The following ATP8B1 variants were observed in gnomAD, a reference collection of about 807,000 sequenced individuals.
ATP8B1 encodes phospholipid-transporting ATPase IC.
A neutral mutation model predicts 149.9 loss-of-function variants in ATP8B1; 80 were observed. The ratio of observed to expected loss-of-function variants is 0.53; its 90% CI spans 0.45 to 0.64. The LOEUF is 0.64. ATP8B1 is among the 30% of genes least tolerant of loss of function. The pLI, the probability that ATP8B1 is intolerant of heterozygous loss-of-function variation, is 0.00. For synonymous variants in ATP8B1, 536 were observed against 562.8 expected (o/e 0.95, Z 0.67); for missense variants, 1,247 against 1,552.6 (o/e 0.80, Z 3.31).
chr18:57,669,236 G>A, intron 18 of ATP8B1, 82 bp downstream of exon 18: 2 of 1,376,178 alleles, frequency 1.5e-6, no homozygotes, highest in Non-Finnish European at 1.0e-6. Flanking sequence ...TTAAGCATGA[G>A]ATCAAATATT....
Position 57,669,463 on chromosome 18 carries a change from A to C in ATP8B1, c.1952T>G (p.Leu651Arg). The change falls in exon 18 of 28, where the codon CTT becomes CGT. Residue 651 changes from leucine to arginine, a missense_variant. Physicochemically the swap from Leu to Arg is moderately radical, Grantham distance 102. Coordinates refer to ENST00000648908, the MANE Select transcript of ATP8B1 (RefSeq NM_001374385.1). ...CTTGTAGCAAAGGCATAGGGTTCTAAGAGTTTCATTTGCAAAGATCTGTTT... is the reference window on the plus strand; with the variant it reads ...CTTGTAGCAAAGGCATAGGGTTCTACGAGTTTCATTTGCAAAGATCTGTTT... ...DALDIFANET[L>R]RTLCLCYKEI... 6.2e-7 allele frequency: 1 copy of C among 1,612,784 alleles called. No homozygotes were observed. Among genetic ancestry groups the C allele is most frequent in the Non-Finnish European group, 8.5e-7 (1 of 1,178,982 alleles).
intron 1 of ATP8B1, among the ~76,000 whole-genome samples, chr18:57,736,570 C>G (rs1391685570): frequency 6.7e-6 from 1 of 148,460 alleles, no homozygotes; most frequent in Non-Finnish European, 1.5e-5. Context: ...AAGGAATCTT[C>G]CTACCTCAGC....
At chr18:57,648,848 C>T (rs1909378380) in intron 27 of ATP8B1, 136 bp from the exon 28 acceptor site, 1 of 525,598 alleles carries the variant, frequency 1.9e-6, no homozygotes, top group East Asian at 3.5e-5. Context: ...AGTTCTGTCC[C>T]CACTTGTGTG....
chr18:57,698,470 G>A (rs1483006023), intron 6 of ATP8B1, among the ~76,000 whole-genome samples: 5 of 151,856 alleles, frequency 3.3e-5, no homozygotes, highest in East Asian at 3.9e-4. Flanking sequence ...TCAGCCTCCC[G>A]AGTAGCTGGG....
At chr18:57,691,276 G>A (rs1040746513) in intron 12 of ATP8B1, among the ~76,000 whole-genome samples, 9 of 152,144 alleles carry the variant, frequency 5.9e-5, no homozygotes, top group African/African-American at 2.2e-4. Flanking sequence ...TGTTGTTGTG[G>A]TTGAGATTTG....
intron 19 of ATP8B1, chr18:57,667,953 A>C: frequency 4.5e-6 from 3 of 673,150 alleles, no homozygotes; most frequent in Non-Finnish European, 6.3e-6. Flanking sequence ...TCAATACCAA[A>C]CAAGTGCTTG....
chr18:57,760,761 T>C (rs2080141880), intron 1 of ATP8B1, among the ~76,000 whole-genome samples: 1 of 151,998 alleles, frequency 6.6e-6, no homozygotes. Context: ...GAGGCCGAGG[T>C]GGGTGGATCA....
At chr18:57,801,068 C>G (rs1256139605) in intron 1 of ATP8B1, among the ~76,000 whole-genome samples, 2 of 152,124 alleles carry the variant, frequency 1.3e-5, no homozygotes, top group African/African-American at 4.8e-5. Context: ...CAAAACAAAA[C>G]CTCTCCCAGT....
chr18:57,720,877 A>G (rs1207397366), intron 2 of ATP8B1, among the ~76,000 whole-genome samples: 1 of 151,816 alleles, frequency 6.6e-6, no homozygotes, highest in Non-Finnish European at 1.5e-5. Context: ...AGGGAAGCCC[A>G]TCAGACTAAC....
At chr18:57,772,791 A>C (rs9963240) in intron 1 of ATP8B1, among the ~76,000 whole-genome samples, 6,863 of 152,180 alleles carry the variant, frequency 0.045, 540 homozygotes, top group African/African-American at 0.16. Flanking sequence ...GACATAGAGC[A>C]GGGAAGGGGG....
At chr18:57,764,314 T>C (rs930460939) in intron 1 of ATP8B1, among the ~76,000 whole-genome samples, 2 of 127,458 alleles carry the variant, frequency 1.6e-5, no homozygotes, top group Admixed American at 7.7e-5. Flanking sequence ...TCCTTCTTTC[T>C]TTCTTTCTTT....
At chr18:57,769,545 T>C (rs1353842259) in intron 1 of ATP8B1, among the ~76,000 whole-genome samples, 1 of 152,188 alleles carries the variant, frequency 6.6e-6, no homozygotes, top group Non-Finnish European at 1.5e-5. Flanking sequence ...TAGTACTTCA[T>C]TAAGCCAGTA....
chr18:57,664,085 T>G (rs1185747832), intron 20 of ATP8B1, among the ~76,000 whole-genome samples: 1 of 134,466 alleles, frequency 7.4e-6, no homozygotes, highest in African/African-American at 2.7e-5. Context: ...TTTTTTTTTT[T>G]TTAACTGAGC....
chr18:57,712,559 A>C (rs57551682), intron 2 of ATP8B1, among the ~76,000 whole-genome samples: 1,896 of 152,170 alleles, frequency 0.012, 37 homozygotes, highest in African/African-American at 0.043. Flanking sequence ...TCTAAATAAA[A>C]TTGAAAGGCA....
chr18:57,743,912 T>G (rs1162715566), intron 1 of ATP8B1, among the ~76,000 whole-genome samples: 1 of 152,122 alleles, frequency 6.6e-6, no homozygotes, highest in East Asian at 1.9e-4. Flanking sequence ...AAACAGCATC[T>G]CCTTGTCACA....
intron 1 of ATP8B1, among the ~76,000 whole-genome samples, chr18:57,776,462 G>A (rs1238754945): frequency 6.6e-6 from 1 of 152,226 alleles, no homozygotes. Context: ...GACAAGTGAC[G>A]GAGGTCTCAG....
intron 1 of ATP8B1, among the ~76,000 whole-genome samples, chr18:57,755,661 T>C (rs765384977): frequency 1.3e-5 from 2 of 152,226 alleles, no homozygotes; most frequent in Non-Finnish European, 2.9e-5. Flanking sequence ...TGGCTTCACA[T>C]AAGTTTACAC....
At chr18:57,791,351 C>CTTTTTTTTTTT (rs570282416) in intron 1 of ATP8B1, among the ~76,000 whole-genome samples, 9 of 82,382 alleles carry the variant, frequency 1.1e-4, no homozygotes, top group African/African-American at 1.3e-4. Context: ...CTTTTCTTTT[C>CTTTTTTTTTTT]TTTTTTTTTT....
chr18:57,701,700 C>CTTTTT (rs1332049355), intron 4 of ATP8B1, among the ~76,000 whole-genome samples: 1 of 144,068 alleles, frequency 6.9e-6, no homozygotes. Context: ...CTTTTTTTTT[C>CTTTTT]TTTTTTTTTT....
Sources: gnomAD v4.1 joint callset for allele counts (sites outside exome capture counted in the v4.1 genomes callset) on GRCh38, gnomAD v4.1.1 for gene constraint, MANE v1.5 for transcripts, NCBI Gene and HGNC (gene_info 2026-07-23, HGNC 2026-07-21) for gene names.